Variants in EIF2AK4 observed in about 807,000 individuals in gnomAD.
The protein encoded by EIF2AK4 is eIF-2-alpha kinase GCN2.
Under a neutral mutation model 211.1 loss-of-function variants are expected in EIF2AK4, and 139 were observed. The ratio of observed to expected loss-of-function variants is 0.66; its 90% CI spans 0.57 to 0.76. The LOEUF (loss-of-function observed/expected upper bound fraction) is 0.76. EIF2AK4 is among the 30% of genes least tolerant of loss of function. The probability of loss-of-function intolerance (pLI) is 0.00; values close to 1 mark genes in which losing one functional copy is unlikely to be tolerated. For missense variants in EIF2AK4, 1,664 were observed against 2,043.8 expected (o/e 0.81, Z 3.58); for synonymous variants, 710 against 751.3 (o/e 0.94, Z 0.90).
At chr15:39,972,005 A>T (rs1156528635) in intron 9 of EIF2AK4, among the ~76,000 whole-genome samples, 1 of 152,198 alleles carries the variant, frequency 6.6e-6, no homozygotes, top group African/African-American at 2.4e-5. Context: ...AAACAAAACA[A>T]GAATTGTCTA....
rs150118511 is a variant in EIF2AK4, at chr15:40,023,022, C to T, written c.4389+417C>T. ...GATTACAGGGGTCAGCCACCGCGCC[C>T]GGCCGTTGTTGGGTTTCTTGCTGAA... On this transcript the variant is annotated intron_variant, in intron 32 of 38. Transcript: ENST00000263791. 3.9e-5 allele frequency among the ~76,000 whole-genome samples: 6 copies of T among 152,236 alleles called. No homozygotes were observed. In the East Asian group the frequency reaches 5.8e-4, roughly 15 times the overall value.
chr15:39,980,978 G>C (rs2034774635), intron 13 of EIF2AK4, among the ~76,000 whole-genome samples: 1 of 152,202 alleles, frequency 6.6e-6, no homozygotes, highest in Non-Finnish European at 1.5e-5. Flanking sequence ...AAGGAGATCT[G>C]AGTATTAGCC....
At chr15:39,950,156 C>A (rs559845553) in intron 4 of EIF2AK4, among the ~76,000 whole-genome samples, 8 of 152,042 alleles carry the variant, frequency 5.3e-5, no homozygotes, top group Non-Finnish European at 1.2e-4. Flanking sequence ...AATAATAATT[C>A]TTGAAGTGAT....
chr15:39,992,787 T>C lies in EIF2AK4; in HGVS notation c.2705T>C (p.Val902Ala). ...SDPSGHLTGM[V>A]GTALYVSPEV... ...CACACAGGTCACTTAACTGGGATGG[T>C]TGGCACTGCTCTCTATGTAAGCCCA... Residue 902 changes from valine to alanine, a missense_variant, in exon 18 of 39, where the codon GTT (valine) becomes GCT (alanine). Coordinates refer to ENST00000263791, the MANE Select transcript of EIF2AK4 (RefSeq NM_001013703.4). 1.2e-6 allele frequency: 2 copies of C among 1,614,122 alleles called. No homozygotes were observed. Among genetic ancestry groups the C allele is most frequent in the African/African-American group, 1.3e-5 (1 of 75,034 alleles).
chr15:40,029,428 G>T lies in EIF2AK4; in HGVS notation c.4525G>T (p.Val1509Leu), dbSNP rs2035509145. Residue 1509 changes from valine (V) to leucine (L), a missense_variant, in exon 34 of 39, where the codon GTG becomes TTG. This residue lies in a region of EIF2AK4 where 138 missense variants were observed against 165.1 expected (regional missense o/e 0.84). Coordinates refer to ENST00000263791, the MANE Select transcript of EIF2AK4 (RefSeq NM_001013703.4). ...NGREASDNLA[V>L]QNLKGSFSNA... ...TAGAGAAGCTTCCGATAATCTTGCA[G>T]TGCAAAATCTGAAGGGGTCATTTTC... The T allele has an allele frequency of 5.0e-6, 8 of 1,613,006 alleles. No individual in the cohort carries two copies. The highest frequency in any genetic ancestry group is 6.8e-6 in the Non-Finnish European group (8 of 1,179,808).
At chr15:39,954,851 A>G (rs1389153482) in intron 5 of EIF2AK4, among the ~76,000 whole-genome samples, 1 of 152,224 alleles carries the variant, frequency 6.6e-6, no homozygotes, top group Non-Finnish European at 1.5e-5. Flanking sequence ...AGGAAGAGGC[A>G]CTGAAGCACA....
chr15:39,948,759 T>TA (rs1464411705), intron 3 of EIF2AK4, among the ~76,000 whole-genome samples: 7 of 152,270 alleles, frequency 4.6e-5, no homozygotes, highest in Non-Finnish European at 1.0e-4. Context: ...AGATAGCTTT[T>TA]ACTTTCATGC....
At chr15:39,987,944 T>C (rs2034888553) in intron 14 of EIF2AK4, 39 bp from the exon 15 acceptor site, 1 of 1,608,800 alleles carries the variant, frequency 6.2e-7, no homozygotes, top group Admixed American at 1.7e-5. Flanking sequence ...CACTTAAAAC[T>C]GTTGTGTAAT....
At chr15:40,021,967 A>G (rs1456726275) in intron 31 of EIF2AK4, 5 of 152,238 alleles carry the variant, frequency 3.3e-5, no homozygotes, top group African/African-American at 1.2e-4. Flanking sequence ...ATTTGACAGA[A>G]CAGTGTCCTC....
chr15:39,971,058 TCAAG>T (rs2034617600), intron 9 of EIF2AK4, among the ~76,000 whole-genome samples: 1 of 152,186 alleles, frequency 6.6e-6, no homozygotes, highest in Non-Finnish European at 1.5e-5. Context: ...TAATTATAGG[TCAAG>T]TGCTACCAAG....
At chr15:40,021,081 G>A in intron 31 of EIF2AK4, 54 bp downstream of exon 31, 1 of 1,589,694 alleles carries the variant, frequency 6.3e-7, no homozygotes, top group Non-Finnish European at 8.6e-7. Context: ...TGGCTTTCAT[G>A]GCAAATATCC....
chr15:40,025,540 A>C (rs1347781775), intron 32 of EIF2AK4, among the ~76,000 whole-genome samples: 3 of 152,046 alleles, frequency 2.0e-5, no homozygotes, highest in Admixed American at 2.0e-4. Flanking sequence ...AAGGAGAGGG[A>C]GGAGTGGTAG....
chr15:40,035,180 TAAG>T lies in EIF2AK4; in HGVS notation c.*101_*103del. The T allele has an allele frequency of 9.5e-7, 1 of 1,054,704 alleles. No individual in the cohort carries two copies. The highest frequency in any genetic ancestry group is 1.3e-6 in the Non-Finnish European group (1 of 764,810). 65.3% of individuals were successfully genotyped at this position (1,054,704 alleles called of 1,614,324 possible). ...TTCATCATAATTTAAAATTAAATTC[TAAG>T]AAGAGGCTGGGTGCAGTGGCTCACA... is the stretch of plus-strand genomic sequence containing the variant. On this transcript the variant is annotated 3_prime_UTR_variant, in exon 39 of 39. Transcript: ENST00000263791.
At chr15:39,956,666 T>G (rs887200905) in intron 6 of EIF2AK4, among the ~76,000 whole-genome samples, 20 of 152,238 alleles carry the variant, frequency 1.3e-4, no homozygotes, top group Non-Finnish European at 2.6e-4. Flanking sequence ...CTATTTGCTG[T>G]GGCCCCCTGT....
At chr15:40,009,307 T>C (rs2035205842) in intron 25 of EIF2AK4, among the ~76,000 whole-genome samples, 1 of 152,008 alleles carries the variant, frequency 6.6e-6, no homozygotes, top group Non-Finnish European at 1.5e-5. Context: ...CAGGCTGGTC[T>C]TGAACTCTTG....
chr15:39,942,131 AC>A (rs1469626130), intron 2 of EIF2AK4, among the ~76,000 whole-genome samples: 1 of 152,198 alleles, frequency 6.6e-6, no homozygotes, highest in Non-Finnish European at 1.5e-5. Context: ...TTAAATTATA[AC>A]AAAAATCTTA....
chr15:39,941,807 CA>C (rs1205612327), intron 2 of EIF2AK4, among the ~76,000 whole-genome samples: 2 of 151,742 alleles, frequency 1.3e-5, no homozygotes, highest in Admixed American at 1.3e-4. Context: ...TTGTGGCAAC[CA>C]AAAAAAGTCT....
intron 30 of EIF2AK4, among the ~76,000 whole-genome samples, chr15:40,020,230 C>CT (rs976799371): frequency 6.6e-6 from 1 of 151,196 alleles, no homozygotes; most frequent in Non-Finnish European, 1.5e-5. Flanking sequence ...CTAGAAATAG[C>CT]TTTTTTTCCC....
Position 40,022,578 on chromosome 15 carries a change from C to A in EIF2AK4, c.4362C>A (p.Val1454=), listed in dbSNP as rs947821429. The change falls in exon 32 of 39, where the codon GTC becomes GTA. Residue 1454 remains valine (V), a synonymous_variant. Coordinates refer to ENST00000263791, the MANE Select transcript of EIF2AK4 (RefSeq NM_001013703.4). ...ATGAAATCACCTATGTGGCCCTTGTCTCGGATAAAGAAGGAAGCCATGTCA... is the reference window on the plus strand; with the variant it reads ...ATGAAATCACCTATGTGGCCCTTGTATCGGATAAAGAAGGAAGCCATGTCA... The part of the protein sequence containing the change: ...RHHEITYVAL[V]SDKEGSHVKV... The A allele has an allele frequency of 1.2e-6, 2 of 1,614,040 alleles. No homozygotes were observed. The highest frequency in any genetic ancestry group is 2.7e-5 in the African/African-American group (2 of 74,914).
Sources: gnomAD v4.1 joint callset for allele counts (sites outside exome capture counted in the v4.1 genomes callset) on GRCh38, gnomAD v4.1.1 for gene constraint, gnomAD v4.1.1 regional missense constraint, MANE v1.5 for transcripts, NCBI Gene and HGNC (gene_info 2026-07-23, HGNC 2026-07-21) for gene names.